ADAMTS18: variants seen among roughly 807,000 people sequenced by gnomAD.
ADAMTS18 encodes A disintegrin and metalloproteinase with thrombospondin motifs 18.
A neutral mutation model predicts 165.9 loss-of-function variants in ADAMTS18; 157 were observed. The ratio of observed to expected loss-of-function variants is 0.95; its 90% CI spans 0.83 to 1.08. The LOEUF is 1.08. Ranked by LOEUF, ADAMTS18 falls within the 50% of genes least tolerant of loss-of-function variation. The pLI is 0.00. For missense variants in ADAMTS18, 2,040 were observed against 1,534.0 expected (o/e 1.33, Z -5.51); for synonymous variants, 782 against 578.2 (o/e 1.35, Z -5.06).
At chr16:77,286,702 A>ATGAGGAGCAGCTTATTAGTATT (rs1397553634) in intron 22 of ADAMTS18, among the ~76,000 whole-genome samples, 3 of 152,108 alleles carry the variant, frequency 2.0e-5, no homozygotes, top group African/African-American at 7.2e-5. Context: ...GTGGGATTCC[A>ATGAGGAGCAGCTTATTAGTATT]TGAGGAGCAG....
intron 18 of ADAMTS18, among the ~76,000 whole-genome samples, chr16:77,295,467 A>C (rs2055451717): frequency 6.6e-6 from 1 of 152,194 alleles, no homozygotes; most frequent in South Asian, 2.1e-4. Flanking sequence ...GGATTAGAAA[A>C]ATTAAGGCAG....
At chr16:77,284,956 CTG>C (rs1189223647) in intron 22 of ADAMTS18, among the ~76,000 whole-genome samples, 1 of 151,048 alleles carries the variant, frequency 6.6e-6, no homozygotes, top group Admixed American at 6.6e-5. Flanking sequence ...CTCCAACAGT[CTG>C]TGTAGGTTTA....
At chr16:77,308,578 GAAA>G (rs58305642) in intron 16 of ADAMTS18, among the ~76,000 whole-genome samples, 72,902 of 146,382 alleles carry the variant, frequency 0.5, 18,875 homozygotes, top group African/African-American at 0.63. Context: ...AGCTAATCAT[GAAA>G]AAAAAAAAAA....
intron 3 of ADAMTS18, among the ~76,000 whole-genome samples, chr16:77,372,697 A>G (rs990705716): frequency 1.3e-5 from 2 of 152,188 alleles, no homozygotes; most frequent in African/African-American, 4.8e-5. Context: ...AGATTTCACA[A>G]CCCGAGAAAT....
chr16:77,386,155 G>A (rs762590365), intron 3 of ADAMTS18, among the ~76,000 whole-genome samples: 2 of 152,142 alleles, frequency 1.3e-5, no homozygotes, highest in East Asian at 1.9e-4. Context: ...GCGCAAGACA[G>A]CAAGCTCCCT....
At chr16:77,317,896 A>T (rs1480316188) in intron 16 of ADAMTS18, among the ~76,000 whole-genome samples, 4 of 152,146 alleles carry the variant, frequency 2.6e-5, no homozygotes, top group Non-Finnish European at 5.9e-5. Flanking sequence ...TAGACAGAAG[A>T]AGTAGCTACC....
At chr16:77,330,194 T>C (rs1012096811) in intron 12 of ADAMTS18, among the ~76,000 whole-genome samples, 1 of 152,196 alleles carries the variant, frequency 6.6e-6, no homozygotes, top group Admixed American at 6.6e-5. Context: ...GGGCCATGAT[T>C]TTCCTCCTAA....
At chr16:77,350,827 T>A (rs2056545104) in intron 10 of ADAMTS18, among the ~76,000 whole-genome samples, 1 of 152,146 alleles carries the variant, frequency 6.6e-6, no homozygotes, top group Non-Finnish European at 1.5e-5. Flanking sequence ...ATACACTGCA[T>A]CTGCTGGTCT....
chr16:77,370,804 T>C (rs2056865643), intron 3 of ADAMTS18, among the ~76,000 whole-genome samples: 1 of 151,254 alleles, frequency 6.6e-6, no homozygotes, highest in Non-Finnish European at 1.5e-5. Flanking sequence ...TATATATATA[T>C]ATACATATAC....
chr16:77,375,050 G>A (rs988565037), intron 3 of ADAMTS18, among the ~76,000 whole-genome samples: 7 of 152,050 alleles, frequency 4.6e-5, no homozygotes, highest in Non-Finnish European at 1.0e-4. Flanking sequence ...AGCATTTTGA[G>A]ATATCGAAAA....
intron 7 of ADAMTS18, among the ~76,000 whole-genome samples, chr16:77,361,029 T>C (rs1333497989): frequency 6.6e-6 from 1 of 152,122 alleles, no homozygotes; most frequent in Non-Finnish European, 1.5e-5. Flanking sequence ...GAGGTTGCAG[T>C]GAGCCGAAAT....
intron 10 of ADAMTS18, among the ~76,000 whole-genome samples, chr16:77,350,852 A>G (rs868202543): frequency 6.6e-6 from 1 of 152,136 alleles, no homozygotes; most frequent in Admixed American, 6.5e-5. Context: ...GGACACTTTG[A>G]TAATTAGTTC....
chr16:77,358,504 G>T (rs1002571615), intron 8 of ADAMTS18, among the ~76,000 whole-genome samples: 1 of 152,188 alleles, frequency 6.6e-6, no homozygotes, highest in Admixed American at 6.5e-5. Context: ...GGAGGTTGCA[G>T]CGAGCCGAGA....
At chr16:77,427,485 G>C (rs762979102) in intron 3 of ADAMTS18, among the ~76,000 whole-genome samples, 5 of 152,216 alleles carry the variant, frequency 3.3e-5, no homozygotes, top group African/African-American at 4.8e-5. Flanking sequence ...GCTGGATATA[G>C]TAGAAAGGAC....
chr16:77,401,757 T>G (rs1296668239), intron 3 of ADAMTS18, among the ~76,000 whole-genome samples: 15 of 152,226 alleles, frequency 9.9e-5, no homozygotes, highest in Non-Finnish European at 8.8e-5. Context: ...ATCTAATTTC[T>G]TGAGGGTCTA....
intron 3 of ADAMTS18, among the ~76,000 whole-genome samples, chr16:77,414,937 G>C (rs138280532): frequency 6.6e-6 from 1 of 152,206 alleles, no homozygotes; most frequent in African/African-American, 2.4e-5. Context: ...TGCTCAGACA[G>C]GCACATAATG....
chr16:77,292,785 C>G (rs1169162001), intron 20 of ADAMTS18, among the ~76,000 whole-genome samples: 2 of 152,210 alleles, frequency 1.3e-5, no homozygotes, highest in East Asian at 3.9e-4. Context: ...AGCCTAGATG[C>G]TAGCAGGTCA....
chr16:77,431,833 C>G (rs964262459), intron 2 of ADAMTS18: 1 of 586,834 alleles, frequency 1.7e-6, no homozygotes, highest in African/African-American at 1.9e-5. Context: ...AAGCCAAGCA[C>G]AATTTTGATG....
intron 3 of ADAMTS18, among the ~76,000 whole-genome samples, chr16:77,368,135 C>T (rs950051177): frequency 1.3e-5 from 2 of 152,164 alleles, no homozygotes; most frequent in African/African-American, 4.8e-5. Context: ...AGGTATGAGT[C>T]ACCGTACCTG....
Sources: allele counts gnomAD v4.1 joint callset (sites outside exome capture counted in the v4.1 genomes callset), GRCh38; gene constraint gnomAD v4.1.1; transcripts MANE v1.5; gene names NCBI Gene and HGNC (gene_info 2026-07-23, HGNC 2026-07-21).